The following MGRN1 variants were observed in gnomAD, a reference collection of about 807,000 sequenced individuals.
The protein encoded by MGRN1 is E3 ubiquitin-protein ligase MGRN1.
In MGRN1, 29 loss-of-function variants were observed where a neutral mutation model predicts 69.2. The ratio of observed to expected loss-of-function variants is 0.42; its 90% CI spans 0.31 to 0.57. The LOEUF (loss-of-function observed/expected upper bound fraction) is 0.57. MGRN1 is among the 20% of genes least tolerant of loss of function. MGRN1 has a pLI of 0.15. For synonymous variants in MGRN1, 470 were observed against 344.2 expected (o/e 1.37, Z -4.04); for missense variants, 998 against 796.2 (o/e 1.25, Z -3.05).
intron 1 of MGRN1, among the ~76,000 whole-genome samples, chr16:4,648,109 C>T (rs1379246412): frequency 6.6e-6 from 1 of 152,194 alleles, no homozygotes; most frequent in Non-Finnish European, 1.5e-5. Context: ...AATAGGGATT[C>T]TGGGGCCCCC....
intron 16 of MGRN1, among the ~76,000 whole-genome samples, chr16:4,685,444 C>T (rs535797786): frequency 2.5e-4 from 38 of 152,334 alleles, no homozygotes; most frequent in East Asian, 3.9e-4. Context: ...GGCCCACAGA[C>T]GGGGGCAGGC....
intron 12 of MGRN1, chr16:4,680,410 G>A (rs771713377): frequency 8.9e-6 from 3 of 337,602 alleles, no homozygotes; most frequent in Non-Finnish European, 1.7e-5. Context: ...CGGAACTAAC[G>A]TCGCTGCTGC....
At chr16:4,676,398 AG>A (rs2141960894) in intron 10 of MGRN1, among the ~76,000 whole-genome samples, 1 of 152,338 alleles carries the variant, frequency 6.6e-6, no homozygotes, top group African/African-American at 2.4e-5. Flanking sequence ...GAGATACAGC[AG>A]GGCTGCTTTC....
intron 9 of MGRN1, chr16:4,672,357 G>C (rs1055772221): frequency 1.3e-5 from 6 of 456,612 alleles, no homozygotes; most frequent in African/African-American, 1.0e-4. Context: ...CGATGAACTT[G>C]TTAAAAGGCA....
intron 1 of MGRN1, among the ~76,000 whole-genome samples, chr16:4,641,707 G>A (rs996952964): frequency 2.0e-5 from 3 of 151,832 alleles, no homozygotes; most frequent in Non-Finnish European, 4.4e-5. Flanking sequence ...TAGTAGAGAC[G>A]GGAGTTTCTC....
intron 16 of MGRN1, chr16:4,687,662 A>T: frequency 1.0e-6 from 1 of 984,968 alleles, no homozygotes; most frequent in Non-Finnish European, 1.2e-6. Flanking sequence ...AGGCAGACGG[A>T]TTGGGGACCC....
intron 5 of MGRN1, chr16:4,664,404 C>T (rs2078752190): frequency 1.6e-5 from 7 of 429,958 alleles, no homozygotes; most frequent in South Asian, 8.0e-5. Context: ...GTGGGGTTTC[C>T]GTTTGGGGTG....
chr16:4,636,393 G>A (rs1898292494), intron 1 of MGRN1, among the ~76,000 whole-genome samples: 1 of 152,146 alleles, frequency 6.6e-6, no homozygotes, highest in Non-Finnish European at 1.5e-5. Flanking sequence ...TGAGCAGTGA[G>A]TGATCTGGCG....
chr16:4,627,759 C>T (rs1236204537), intron 1 of MGRN1, among the ~76,000 whole-genome samples: 1 of 149,386 alleles, frequency 6.7e-6, no homozygotes, highest in Admixed American at 6.8e-5. Flanking sequence ...CACTGCACTC[C>T]AGCCTGGGTG....
At chr16:4,677,318 A>G in intron 10 of MGRN1, 145 bp from the exon 11 acceptor site, 1 of 473,146 alleles carries the variant, frequency 2.1e-6, no homozygotes, top group East Asian at 3.5e-5. Flanking sequence ...AACTAAAAGA[A>G]AAAAAAAAGA....
intron 5 of MGRN1, among the ~76,000 whole-genome samples, chr16:4,661,804 G>A (rs183831461): frequency 9.2e-5 from 14 of 152,378 alleles, no homozygotes; most frequent in African/African-American, 3.1e-4. Context: ...GCCTAGGTCC[G>A]TGTGGACTTG....
chr16:4,681,556 G>A lies in MGRN1; in HGVS notation c.1138G>A (p.Asp380Asn). ...SKKPKRETNS[D>N]SVPPGYEPIS... ...ACGCACCCTGTCCCTACAGAACTCT[G>A]ACAGCGTCCCACCTGGCTACGAGCC... Residue 380 changes from aspartate (D) to asparagine (N), a missense_variant, in exon 13 of 17, where the codon GAC (aspartate) becomes AAC (asparagine). Asp to Asn is a conservative substitution (Grantham distance 23, BLOSUM62 1). Transcript: ENST00000262370. 1 of 1,612,486 alleles carries A rather than the reference G, an allele frequency of 6.2e-7. No individual in the cohort carries two copies. The highest frequency in any genetic ancestry group is 8.5e-7 in the Non-Finnish European group (1 of 1,179,406).
chr16:4,668,751 CATAT>C (rs202117571), intron 8 of MGRN1, among the ~76,000 whole-genome samples: 1 of 130,404 alleles, frequency 7.7e-6, no homozygotes, highest in Non-Finnish European at 1.7e-5. Flanking sequence ...GATACACACA[CATAT>C]ACCCATTCAC....
At chr16:4,639,046 A>C (rs1259639252) in intron 1 of MGRN1, among the ~76,000 whole-genome samples, 3 of 152,172 alleles carry the variant, frequency 2.0e-5, no homozygotes, top group Non-Finnish European at 4.4e-5. Context: ...TGACCTGAGC[A>C]GGTCACTCAG....
At chr16:4,661,043 A>G in intron 5 of MGRN1, among the ~76,000 whole-genome samples, 1 of 151,972 alleles carries the variant, frequency 6.6e-6, no homozygotes, top group South Asian at 2.1e-4. Context: ...GTGCAGTGGC[A>G]CAATCACAGC....
At chr16:4,627,060 G>T (rs539354928) in intron 1 of MGRN1, among the ~76,000 whole-genome samples, 1 of 152,280 alleles carries the variant, frequency 6.6e-6, no homozygotes, top group Non-Finnish European at 1.5e-5. Context: ...CGCCTCTCCT[G>T]TCTCCTTAAT....
chr16:4,688,992 C>G lies in MGRN1; in HGVS notation c.*84C>G, dbSNP rs766688899. On this transcript the variant is annotated 3_prime_UTR_variant, in exon 17 of 17. Transcript: ENST00000262370. ...GCTCCGGACCCCGTTGTGAGCCGGC[C>G]TCCTGTCTGCATGCCCCCTGTGGCC... is the stretch of plus-strand genomic sequence containing the variant. 5 of 1,449,188 alleles carry G rather than the reference C, an allele frequency of 3.5e-6. No individual in the cohort carries two copies. The highest frequency in any genetic ancestry group is 4.6e-6 in the Non-Finnish European group (5 of 1,095,806). The allele number at this position is 1,449,188 out of a possible 1,614,324, so 89.8% of individuals were successfully genotyped here. A position where few individuals can be genotyped will look rare whatever the true frequency, so the allele number is the denominator to read the frequency against.
At chr16:4,686,603 A>T in intron 16 of MGRN1, 4 of 1,218,712 alleles carry the variant, frequency 3.3e-6, no homozygotes, top group Non-Finnish European at 4.1e-6. Context: ...CAGCCCAGGC[A>T]GGGAGACAGA....
intron 1 of MGRN1, among the ~76,000 whole-genome samples, chr16:4,637,913 C>G (rs1346211047): frequency 6.6e-6 from 1 of 152,172 alleles, no homozygotes; most frequent in Non-Finnish European, 1.5e-5. Flanking sequence ...GAGGACACAC[C>G]CCCAACAAAA....
Sources: gnomAD v4.1 joint callset for allele counts (sites outside exome capture counted in the v4.1 genomes callset) on GRCh38, gnomAD v4.1.1 for gene constraint, MANE v1.5 for transcripts, NCBI Gene and HGNC (gene_info 2026-07-23, HGNC 2026-07-21) for gene names.